The following SMAD2 variants were observed in gnomAD, a reference collection of about 807,000 sequenced individuals.
SMAD2 encodes the protein SMAD family member 2, also known as MAD homolog 2.
SMAD2 carries 8 observed loss-of-function variants against 64.4 expected under a neutral mutation model. The ratio of observed to expected loss-of-function variants is 0.12; its 90% CI spans 0.07 to 0.22. SMAD2 has a LOEUF of 0.22. Ranked by LOEUF, SMAD2 falls within the 10% of genes least tolerant of loss-of-function variation. The pLI is 1.00. For synonymous variants in SMAD2, 203 were observed against 195.8 expected (o/e 1.04, Z -0.31); for missense variants, 289 against 561.2 (o/e 0.51, Z 4.90).
chr18:47,837,106 A>C lies in SMAD2; in HGVS notation c.*4721T>G, dbSNP rs188004791. ...TTTATGCCATTTGCCAGTCACAAAG[A>C]CATTTACTGAACAGAATTTTTGAGC... On this transcript the variant is annotated 3_prime_UTR_variant, in exon 11 of 11. Transcript: ENST00000262160. 1.3e-4 allele frequency: 27 copies of C among 202,494 alleles called. No individual in the cohort carries two copies. The highest frequency in any genetic ancestry group is 6.2e-4 in the African/African-American group (27 of 43,780). The allele number at this position is 202,494 out of a possible 1,614,324, so 12.5% of individuals were successfully genotyped here. A position where few individuals can be genotyped will look rare whatever the true frequency, so the allele number is the denominator to read the frequency against.
chr18:47,850,275 A>G (rs548183342), intron 7 of SMAD2, among the ~76,000 whole-genome samples: 4 of 69,776 alleles, frequency 5.7e-5, no homozygotes, highest in African/African-American at 1.9e-4. Flanking sequence ...TATATATTAT[A>G]TATTATATAT....
intron 6 of SMAD2, among the ~76,000 whole-genome samples, chr18:47,856,533 T>C (rs2030698452): frequency 6.6e-6 from 1 of 152,188 alleles, no homozygotes; most frequent in Non-Finnish European, 1.5e-5. Context: ...CTGGGAATCA[T>C]CCTGGGTTGC....
rs2030032672 is a variant in SMAD2, at chr18:47,851,211, A to G, written c.784+63T>C. 3.4e-6 allele frequency: 4 copies of G among 1,159,964 alleles called. No homozygotes were observed. The Admixed American group carries it at 6.9e-5, about 20-fold the overall frequency. The allele number at this position is 1,159,964 out of a possible 1,614,324, so 71.9% of individuals were successfully genotyped here. ...ATATAAAAAATAACTCCTAGAGATG[A>G]TTTTTATTATTAAGTAGGTGATACA... On this transcript the variant is annotated intron_variant, in intron 7 of 10. Transcript: ENST00000262160.
In SMAD2 at chr18:47,840,392, A is replaced by G. The variant is rs1404167761; in HGVS notation, c.*1435T>C. Reference sequence around the variant, plus strand: ...ATAATTATTTGCTGCAGAATGAACTAGCAACAGAGTTTCGGAAATCTCCTC... The same window carrying G: ...ATAATTATTTGCTGCAGAATGAACTGGCAACAGAGTTTCGGAAATCTCCTC... On this transcript the variant is annotated 3_prime_UTR_variant, in exon 11 of 11. Transcript: ENST00000262160. 4.3e-6 allele frequency: 1 copy of G among 232,842 alleles called. No individual in the cohort carries two copies. Among genetic ancestry groups the G allele is most frequent in the African/African-American group, 2.2e-5 (1 of 45,350 alleles). The allele number at this position is 232,842 out of a possible 1,614,324, so 14.4% of individuals were successfully genotyped here. A position where few individuals can be genotyped will look rare whatever the true frequency, so the allele number is the denominator to read the frequency against.
At chr18:47,898,994 C>A (rs531879894) in intron 1 of SMAD2, among the ~76,000 whole-genome samples, 227 of 151,714 alleles carry the variant, frequency 1.5e-3, no homozygotes, top group African/African-American at 5.4e-3. Flanking sequence ...ACGGGTAGGA[C>A]AAAAGAAATC....
chr18:47,869,565 G>T, intron 3 of SMAD2, 129 bp from the exon 4 acceptor site: 2 of 712,602 alleles, frequency 2.8e-6, no homozygotes, highest in South Asian at 3.4e-5. Context: ...GTTAGTTTTA[G>T]TGAGAATCAA....
At position 47,814,218 on chromosome 18, in the gene SMAD2, A is replaced by C. The variant is rs936000912; in HGVS notation, c.*27609T>G. 1 of 152,198 alleles carries C rather than the reference A, an allele frequency of 6.6e-6. No individual in the cohort carries two copies. The highest frequency in any genetic ancestry group is 2.4e-5 in the African/African-American group (1 of 41,434). 9.4% of individuals were successfully genotyped at this position (152,198 alleles called of 1,614,324 possible). Reference sequence around the variant, plus strand: ...TCTTTCCAATAAAGGTAAGCCCTGAAGCCTGACAGTCACAGGAAAGGAGAG... The same window carrying C: ...TCTTTCCAATAAAGGTAAGCCCTGACGCCTGACAGTCACAGGAAAGGAGAG... On this transcript the variant is annotated 3_prime_UTR_variant, in exon 11 of 11. Coordinates refer to ENST00000262160, the MANE Select transcript of SMAD2 (RefSeq NM_005901.6).
At chr18:47,897,381 T>G (rs1288578193) in intron 1 of SMAD2, among the ~76,000 whole-genome samples, 3 of 28,662 alleles carry the variant, frequency 1.0e-4, no homozygotes, top group African/African-American at 1.1e-4. Flanking sequence ...AGAAATTTTT[T>G]AACACATGTT....
chr18:47,842,000 A>AG, intron 10 of SMAD2, 50 bp from the exon 11 acceptor site: 1 of 1,605,508 alleles, frequency 6.2e-7, no homozygotes, highest in South Asian at 1.1e-5. Flanking sequence ...GTCCACAGGC[A>AG]GGGAAAATGG....
rs1056742699 is a variant in SMAD2 at position 47,835,904 on chromosome 18, G to A, written c.*5923C>T. The A allele has an allele frequency of 6.3e-5, 13 of 205,748 alleles. No individual in the cohort carries two copies. Among genetic ancestry groups the A allele is most frequent in the African/African-American group, 2.7e-4 (12 of 43,884 alleles). 12.7% of individuals were successfully genotyped at this position (205,748 alleles called of 1,614,324 possible). On this transcript the variant is annotated 3_prime_UTR_variant, in exon 11 of 11. Coordinates refer to ENST00000262160, the MANE Select transcript of SMAD2 (RefSeq NM_005901.6). ...TGGAGGGTAAAAGAATACTTTTCTC[G>A]AAATTTTTTTGAAGAAAAATCTAAA... is the stretch of plus-strand genomic sequence containing the variant.
At chr18:47,904,906 G>A (rs915926759) in intron 1 of SMAD2, among the ~76,000 whole-genome samples, 6 of 152,160 alleles carry the variant, frequency 3.9e-5, no homozygotes, top group Non-Finnish European at 4.4e-5. Flanking sequence ...AAAACCTAGA[G>A]CTAGCATATG....
intron 1 of SMAD2, among the ~76,000 whole-genome samples, chr18:47,918,927 G>C (rs1470677748): frequency 6.6e-6 from 1 of 152,038 alleles, no homozygotes; most frequent in Non-Finnish European, 1.5e-5. Context: ...GAGTCAAATA[G>C]ATAAATTAAG....
intron 1 of SMAD2, among the ~76,000 whole-genome samples, chr18:47,928,860 T>C (rs2034874898): frequency 1.3e-5 from 2 of 152,204 alleles, no homozygotes; most frequent in Non-Finnish European, 2.9e-5. Flanking sequence ...TGAACAGCCT[T>C]GAACTCAATT....
At chr18:47,915,991 TATC>T (rs1276192234) in intron 1 of SMAD2, among the ~76,000 whole-genome samples, 1 of 152,236 alleles carries the variant, frequency 6.6e-6, no homozygotes, top group African/African-American at 2.4e-5. Flanking sequence ...TACTAAATGT[TATC>T]ATATGCTTTC....
rs1912347998 is a variant in SMAD2, at chr18:47,815,852, A to T, written c.*25975T>A. Reference sequence around the variant, plus strand: ...TGAGCCCATGTATGCTGTAGGAAAAAGCTAGTGGTGCCAGAGTTTAAGTTT... The same window carrying T: ...TGAGCCCATGTATGCTGTAGGAAAATGCTAGTGGTGCCAGAGTTTAAGTTT... On this transcript the variant is annotated 3_prime_UTR_variant, in exon 11 of 11. Transcript: ENST00000262160. 6.6e-6 allele frequency: 1 copy of T among 152,248 alleles called. No individual in the cohort carries two copies. Among genetic ancestry groups the T allele is most frequent in the Non-Finnish European group, 1.5e-5 (1 of 68,066 alleles). The allele number at this position is 152,248 out of a possible 1,614,324, so 9.4% of individuals were successfully genotyped here.
chr18:47,847,612 AC>A (rs1317559470), intron 8 of SMAD2, among the ~76,000 whole-genome samples: 2 of 147,142 alleles, frequency 1.4e-5, no homozygotes, highest in Non-Finnish European at 3.0e-5. Context: ...TTTATAAAAA[AC>A]AACTGTATTT....
At chr18:47,853,758 TC>T (rs2030385458) in intron 6 of SMAD2, among the ~76,000 whole-genome samples, 1 of 28,994 alleles carries the variant, frequency 3.4e-5, no homozygotes, top group Non-Finnish European at 6.9e-5. Flanking sequence ...TGCTGGCAAG[TC>T]ACAAATCTGC....
chr18:47,897,877 AG>A (rs2033509835), intron 1 of SMAD2, among the ~76,000 whole-genome samples: 1 of 152,188 alleles, frequency 6.6e-6, no homozygotes, highest in Non-Finnish European at 1.5e-5. Flanking sequence ...TATAGGAAAA[AG>A]GAAAATGAAT....
chr18:47,893,106 T>G (rs144466630), intron 2 of SMAD2, among the ~76,000 whole-genome samples: 1 of 152,334 alleles, frequency 6.6e-6, no homozygotes, highest in Non-Finnish European at 1.5e-5. Context: ...CAAAAATGTT[T>G]GAGATGAAAA....
Sources: gnomAD v4.1 joint callset for allele counts (sites outside exome capture counted in the v4.1 genomes callset) on GRCh38, gnomAD v4.1.1 for gene constraint, MANE v1.5 for transcripts, NCBI Gene and HGNC (gene_info 2026-07-23, HGNC 2026-07-21) for gene names.